Variants in ZNF462 observed in about 807,000 individuals in gnomAD.
ZNF462 encodes zinc finger PBX1-interacting protein.
In ZNF462, 10 loss-of-function variants were observed where a neutral mutation model predicts 201.9. That is an observed-to-expected ratio of 0.05 (90% confidence interval 0.03 to 0.08). The LOEUF is 0.08. Ranked by LOEUF, ZNF462 falls within the 10% of genes least tolerant of loss-of-function variation. ZNF462 has a pLI of 1.00. For missense variants in ZNF462, 2,523 were observed against 3,168.3 expected (o/e 0.80, Z 4.89); for synonymous variants, 1,227 against 1,193.3 (o/e 1.03, Z -0.58).
chr9:106,892,036 T>C (rs1164920057), intron 1 of ZNF462, among the ~76,000 whole-genome samples: 1 of 152,222 alleles, frequency 6.6e-6, no homozygotes, highest in Non-Finnish European at 1.5e-5. Flanking sequence ...CAATCTTTCT[T>C]TTAAATGTAT....
At chr9:106,900,858 T>C (rs1414807347) in intron 1 of ZNF462, among the ~76,000 whole-genome samples, 1 of 152,238 alleles carries the variant, frequency 6.6e-6, no homozygotes, top group African/African-American at 2.4e-5. Flanking sequence ...TTGCTGACTC[T>C]TCCTTTTGCT....
At chr9:106,867,341 T>C (rs996998489) in intron 1 of ZNF462, among the ~76,000 whole-genome samples, 16 of 152,318 alleles carry the variant, frequency 1.1e-4, no homozygotes, top group African/African-American at 3.8e-4. Context: ...ATGAGACAAG[T>C]TCATGTGGCT....
At chr9:106,873,445 CT>C (rs1827687443) in intron 1 of ZNF462, among the ~76,000 whole-genome samples, 4 of 151,522 alleles carry the variant, frequency 2.6e-5, no homozygotes, top group South Asian at 2.1e-4. Context: ...AGGTGTTGTA[CT>C]TTTTTTCTTC....
intron 1 of ZNF462, among the ~76,000 whole-genome samples, chr9:106,869,257 T>C (rs562261278): frequency 3.2e-4 from 48 of 152,156 alleles, no homozygotes; most frequent in Non-Finnish European, 5.6e-4. Flanking sequence ...TTACTGGTGG[T>C]TTTCCAATGT....
intron 10 of ZNF462, among the ~76,000 whole-genome samples, chr9:106,990,860 T>C (rs1828218169): frequency 6.6e-6 from 1 of 152,038 alleles, no homozygotes; most frequent in Admixed American, 6.6e-5. Context: ...CAAAGACTTT[T>C]GTAAGTAAAG....
intron 7 of ZNF462, among the ~76,000 whole-genome samples, chr9:106,947,166 A>G (rs897741535): frequency 1.3e-5 from 2 of 152,162 alleles, no homozygotes; most frequent in South Asian, 4.1e-4. Context: ...GGGCTCTTCC[A>G]CTTTGCAAAC....
chr9:106,962,921 C>T lies in ZNF462; in HGVS notation c.6428-9084C>T, dbSNP rs1355626839. On this transcript the variant is annotated intron_variant, in intron 7 of 12. Coordinates refer to ENST00000277225, the MANE Select transcript of ZNF462 (RefSeq NM_021224.6). The surrounding 1 kb of genome is among the most constrained non-coding windows in gnomAD (Gnocchi z 4.6). ...ACAGTAGACAAGGAGGTGCCAGAGT[C>T]CTTGGCCTGGAGATTTTCAAGGCAT... Among the ~76,000 whole-genome samples, 2 of 151,888 alleles carry T rather than the reference C, an allele frequency of 1.3e-5. No individual in the cohort carries two copies. The highest frequency in any genetic ancestry group is 4.8e-5 in the African/African-American group (2 of 41,358).
At chr9:106,999,817 T>C (rs1194428299) in intron 10 of ZNF462, among the ~76,000 whole-genome samples, 2 of 152,176 alleles carry the variant, frequency 1.3e-5, no homozygotes, top group African/African-American at 4.8e-5. Flanking sequence ...AATGAAGATA[T>C]CCAGTAGCCA....
intron 1 of ZNF462, among the ~76,000 whole-genome samples, chr9:106,908,817 A>T (rs1401992260): frequency 2.7e-5 from 4 of 146,462 alleles, no homozygotes; most frequent in Non-Finnish European, 6.0e-5. Context: ...TAATGTTCTT[A>T]CACCTTTATT....
chr9:106,989,675 T>A (rs1828116632), intron 10 of ZNF462, among the ~76,000 whole-genome samples: 1 of 152,060 alleles, frequency 6.6e-6, no homozygotes, highest in Non-Finnish European at 1.5e-5. Flanking sequence ...GGTCCTGGAC[T>A]TTTTTTGTTG....
Position 106,939,060 on chromosome 9 carries a change from A to C in ZNF462, c.6380A>C (p.His2127Pro), listed in dbSNP as rs1830753137. 1 of 1,610,570 alleles carries C rather than the reference A, an allele frequency of 6.2e-7. No homozygotes were observed. Among genetic ancestry groups the C allele is most frequent in the Non-Finnish European group, 8.5e-7 (1 of 1,178,906 alleles). The part of the protein sequence containing the change: ...IVSLLSSHSH[H>P]SSQKATPAEE... ...AGTCTCCTCTCCTCACACTCCCACC[A>C]CTCCTCCCAAAAAGCTACCCCGGCT... is the stretch of plus-strand genomic sequence containing the variant. The change falls in exon 7 of 13, where the codon CAC becomes CCC. Residue 2127 changes from histidine (H) to proline (P), a missense_variant. His to Pro is a moderately conservative substitution (Grantham distance 77). This residue lies in a region of ZNF462 where 138 missense variants were observed against 146.3 expected (regional missense o/e 0.94). Transcript: ENST00000277225.
chr9:106,952,228 A>T (rs1011356634), intron 7 of ZNF462, among the ~76,000 whole-genome samples: 1 of 152,084 alleles, frequency 6.6e-6, no homozygotes, highest in African/African-American at 2.4e-5. Context: ...TAAAGCATTT[A>T]CCCTCTCTGA....
At position 106,895,823 on chromosome 9, in the gene ZNF462, A is replaced by G. The variant is rs1293896328; in HGVS notation, c.-30-27531A>G. 6.6e-6 allele frequency among the ~76,000 whole-genome samples: 1 copy of G among 152,146 alleles called. No homozygotes were observed. Among genetic ancestry groups the G allele is most frequent in the South Asian group, 2.1e-4 (1 of 4,824 alleles). On this transcript the variant is annotated intron_variant, in intron 1 of 12. Transcript: ENST00000277225. This position sits in a 1 kb window ranked among gnomAD's most constrained non-coding sequence, Gnocchi z 4.4. Reference sequence around the variant, plus strand: ...ATGCCATCTTTTTGGGGGTGGGAATATGTATTGGGTTCTTCTTTCTTACAT... The same window carrying G: ...ATGCCATCTTTTTGGGGGTGGGAATGTGTATTGGGTTCTTCTTTCTTACAT...
chr9:106,930,694 G>GA lies in ZNF462; in HGVS notation c.6012+7dup. 1 of 1,613,948 alleles carries GA rather than the reference G, an allele frequency of 6.2e-7. No homozygotes were observed. Among genetic ancestry groups the GA allele is most frequent in the Non-Finnish European group, 8.5e-7 (1 of 1,179,976 alleles). On this transcript the variant is annotated splice_donor_region_variant and intron_variant, in intron 4 of 12. Transcript: ENST00000277225. The surrounding 1 kb of genome is among the most constrained non-coding windows in gnomAD (Gnocchi z 5.8). ...GCTGTGTCAGCTGCTGTGAAGGTGA[G>GA]AACTGGAAGGTCTGGATGAGCATTG... is the stretch of plus-strand genomic sequence containing the variant.
Position 106,925,511 on chromosome 9 carries a change from G to T in ZNF462, c.1599G>T (p.Met533Ile). ...TCAATGGTAGAAAGTCAGGAGTCAT[G>T]TTGGATCCCTTGCAGCAGCAACAGC... ...SSINGRKSGV[M>I]LDPLQQQQPP... Residue 533 changes from methionine (M) to isoleucine (I), a missense_variant, in exon 3 of 13, where the codon ATG becomes ATT. Physicochemically the swap from Met to Ile is conservative, Grantham distance 10. Transcript: ENST00000277225. The surrounding 1 kb of genome is among the most constrained non-coding windows in gnomAD (Gnocchi z 7.9). The T allele has an allele frequency of 6.2e-7, 1 of 1,614,088 alleles. No homozygotes were observed. Among genetic ancestry groups the T allele is most frequent in the Non-Finnish European group, 8.5e-7 (1 of 1,180,008 alleles).
rs368942469 is a variant in ZNF462, at chr9:106,932,791, A to G, written c.6116+242A>G. On this transcript the variant is annotated intron_variant, in intron 5 of 12. Coordinates refer to ENST00000277225, the MANE Select transcript of ZNF462 (RefSeq NM_021224.6). The surrounding 1 kb of genome is among the most constrained non-coding windows in gnomAD (Gnocchi z 6.8). ...AAAAATGAGAATTGGAGGAATTGCT[A>G]TGATTTACCCAAAGGTAAAATGGCA... 4 of 599,806 alleles carry G rather than the reference A, an allele frequency of 6.7e-6. No individual in the cohort carries two copies. The highest frequency in any genetic ancestry group is 5.9e-6 in the Non-Finnish European group (2 of 340,684). The allele number at this position is 599,806 out of a possible 1,614,324, so 37.2% of individuals were successfully genotyped here. A position where few individuals can be genotyped will look rare whatever the true frequency, so the allele number is the denominator to read the frequency against.
intron 10 of ZNF462, among the ~76,000 whole-genome samples, chr9:106,989,860 G>A (rs1828133346): frequency 6.6e-6 from 1 of 152,008 alleles, no homozygotes; most frequent in Non-Finnish European, 1.5e-5. Context: ...ATGATCTTTT[G>A]TATTTCTGTG....
In ZNF462 at chr9:106,928,749, C is replaced by T. The variant is rs201930623; in HGVS notation, c.4837C>T (p.Pro1613Ser). The T allele has an allele frequency of 1.9e-6, 3 of 1,614,118 alleles. No homozygotes were observed. Among genetic ancestry groups the T allele is most frequent in the East Asian group, 2.2e-5 (1 of 44,862 alleles). ...ATTTGATGTCTTTTCCCAGTCGCCC[C>T]CGAAGCTGCCAGTCCCCCTCGAGCC... is the stretch of plus-strand genomic sequence containing the variant. Reference protein sequence around the residue: ...PEFDVFSQSPPKLPVPLEPEM... With the variant: ...PEFDVFSQSPSKLPVPLEPEM... The change falls in exon 3 of 13, where the codon CCG becomes TCG. Residue 1613 changes from proline to serine, a missense_variant. By Grantham distance (74) the Pro-to-Ser change is moderately conservative. Around this residue, in one of 15 missense-constraint regions of ZNF462, gnomAD observed 200 missense variants for 281.3 expected, o/e 0.71. Transcript: ENST00000277225. The surrounding 1 kb of genome is among the most constrained non-coding windows in gnomAD (Gnocchi z 9.3).
Position 106,926,559 on chromosome 9 carries a change from A to C in ZNF462, c.2647A>C (p.Ser883Arg), listed in dbSNP as rs1450419403. The C allele has an allele frequency of 6.2e-7, 1 of 1,614,076 alleles. No individual in the cohort carries two copies. Among genetic ancestry groups the C allele is most frequent in the Non-Finnish European group, 8.5e-7 (1 of 1,180,044 alleles). Reference sequence around the variant, plus strand: ...GTACATCTTGGACCCCAATGATCACAGTGCAGTGTACAGGTGCCTGGAATG... The same window carrying C: ...GTACATCTTGGACCCCAATGATCACCGTGCAGTGTACAGGTGCCTGGAATG... Reference protein sequence around the residue: ...FRYILDPNDHSAVYRCLECYI... With the variant: ...FRYILDPNDHRAVYRCLECYI... The change falls in exon 3 of 13, where the codon AGT (serine) becomes CGT (arginine). Residue 883 changes from serine to arginine, a missense_variant. Transcript: ENST00000277225. The surrounding 1 kb of genome is among the most constrained non-coding windows in gnomAD (Gnocchi z 7.9).
Sources: gnomAD v4.1 joint callset for allele counts (sites outside exome capture counted in the v4.1 genomes callset) on GRCh38, gnomAD v4.1.1 for gene constraint, gnomAD v4.1.1 regional missense constraint, Gnocchi (gnomAD v3.1) non-coding constraint, MANE v1.5 for transcripts, NCBI Gene and HGNC (gene_info 2026-07-23, HGNC 2026-07-21) for gene names.